The following MKLN1 variants were observed in gnomAD, a reference collection of about 807,000 sequenced individuals.
The protein encoded by MKLN1 is muskelin.
A neutral mutation model predicts 99.0 loss-of-function variants in MKLN1; 18 were observed. That is an observed-to-expected ratio of 0.18 (90% CI 0.13 to 0.27). The LOEUF (loss-of-function observed/expected upper bound fraction) is 0.27, where lower values mean the gene tolerates loss of function less well. Among genes scored for constraint, MKLN1 ranks in the 10% least tolerant of loss-of-function variants. The pLI, the probability that MKLN1 is intolerant of heterozygous loss-of-function variation, is 1.00. For missense variants in MKLN1, 621 were observed against 875.9 expected, an observed-to-expected ratio of 0.71 and a Z score of 3.67; for synonymous variants, 288 against 293.2, an observed-to-expected ratio of 0.98 and a Z score of 0.18.
chr7:131,152,052 G>T (rs1370473545), intron 2 of MKLN1, among the ~76,000 whole-genome samples: 1 of 152,112 alleles, frequency 6.6e-6, no homozygotes, highest in Non-Finnish European at 1.5e-5. Flanking sequence ...GCTGGGTGTG[G>T]TGGCTCATTC....
At chr7:131,200,942 G>A (rs1041828364) in intron 2 of MKLN1, among the ~76,000 whole-genome samples, 2 of 152,060 alleles carry the variant, frequency 1.3e-5, no homozygotes, top group Non-Finnish European at 2.9e-5. Flanking sequence ...TGTATTTAAC[G>A]AGAAGCCACG....
At chr7:131,317,675 CAA>C (rs1798695072) in intron 3 of MKLN1, among the ~76,000 whole-genome samples, 2 of 145,092 alleles carry the variant, frequency 1.4e-5, no homozygotes, top group South Asian at 4.4e-4. Flanking sequence ...TGGATAGAGT[CAA>C]GACCCATCAG....
intron 3 of MKLN1, among the ~76,000 whole-genome samples, chr7:131,283,365 C>T (rs1249002366): frequency 3.8e-5 from 4 of 105,392 alleles, no homozygotes; most frequent in Admixed American, 1.0e-4. Context: ...TCCTTCCTTC[C>T]TTCCTTCCTT....
At chr7:131,423,242 G>C (rs1179902477) in intron 8 of MKLN1, among the ~76,000 whole-genome samples, 2 of 152,170 alleles carry the variant, frequency 1.3e-5, no homozygotes, top group African/African-American at 2.4e-5. Context: ...ATGGAGAGTT[G>C]CTTGTCACTT....
intron 3 of MKLN1, among the ~76,000 whole-genome samples, chr7:131,263,667 G>C (rs1797767746): frequency 6.6e-6 from 1 of 152,030 alleles, no homozygotes; most frequent in African/African-American, 2.4e-5. Context: ...TGCCTCCCGG[G>C]TTCAAGCGAT....
chr7:131,159,743 A>T (rs1159394151), intron 2 of MKLN1, among the ~76,000 whole-genome samples: 1 of 152,218 alleles, frequency 6.6e-6, no homozygotes, highest in African/African-American at 2.4e-5. Context: ...CCCCAACAAT[A>T]TGTACGACTA....
chr7:131,359,257 T>C (rs1799960972), intron 1 of MKLN1, among the ~76,000 whole-genome samples: 1 of 152,242 alleles, frequency 6.6e-6, no homozygotes, highest in Non-Finnish European at 1.5e-5. Flanking sequence ...ATCTGGAGAC[T>C]GCTTTGACCC....
At chr7:131,424,619 G>A (rs952871698) in intron 8 of MKLN1, among the ~76,000 whole-genome samples, 1 of 150,584 alleles carries the variant, frequency 6.6e-6, no homozygotes, top group Admixed American at 6.6e-5. Context: ...ACTGGTAGTC[G>A]GTAGCTCCAG....
In MKLN1 at chr7:131,168,944, C is replaced by T. The variant is rs183223809; in HGVS notation, c.-297+26003C>T. ...GGGCAGTGGTGCAATCTTGGCTCAC[C>T]GCAACCTCCACCTCCTGGGTTCAAG... On this transcript the variant is annotated intron_variant, in intron 2 of 7. Coordinates refer to the MKLN1 transcript ENST00000416992. 3.6e-3 allele frequency among the ~76,000 whole-genome samples: 550 copies of T among 151,774 alleles called. 2 individuals are homozygous for T. The highest frequency in any genetic ancestry group is 0.013 in the African/African-American group (520 of 41,376).
chr7:131,487,268 A>G lies in MKLN1; in HGVS notation c.2087-339A>G, dbSNP rs1288811079. ...CAGAGAAAAGACCTAATAAGGAAAA[A>G]AAGAGAGATCAGTATTATTTGTAAC... On this transcript the variant is annotated intron_variant, in intron 17 of 17. Coordinates refer to ENST00000352689, the MANE Select transcript of MKLN1 (RefSeq NM_013255.5). This position sits in a 1 kb window ranked among gnomAD's most constrained non-coding sequence, Gnocchi z 4.7. Among the ~76,000 whole-genome samples the G allele has an allele frequency of 6.6e-6, 1 of 152,184 alleles. No homozygotes were observed. Among genetic ancestry groups the G allele is most frequent in the Non-Finnish European group, 1.5e-5 (1 of 68,016 alleles).
In MKLN1 at chr7:131,199,315, A is replaced by T. The variant is rs1044769709; in HGVS notation, c.-296-3542A>T. ...TATGTTGCCCAGACTGGAGTACAGT[A>T]GTGCAATCATTAGCTCACTGTAACC... On this transcript the variant is annotated intron_variant, in intron 2 of 7. Transcript: ENST00000416992. 2.6e-5 allele frequency among the ~76,000 whole-genome samples: 4 copies of T among 151,194 alleles called. No individual in the cohort carries two copies. The South Asian group carries it at 8.3e-4, about 31-fold the overall frequency.
At chr7:131,445,411 T>C (rs183354011) in intron 11 of MKLN1, among the ~76,000 whole-genome samples, 1 of 152,324 alleles carries the variant, frequency 6.6e-6, no homozygotes, top group East Asian at 1.9e-4. Flanking sequence ...AAGCAATCTC[T>C]ATTCTCGCTC....
chr7:131,363,658 A>T (rs1175999618), intron 1 of MKLN1, among the ~76,000 whole-genome samples: 1 of 151,910 alleles, frequency 6.6e-6, no homozygotes, highest in Admixed American at 6.6e-5. Flanking sequence ...TTTGTGAAGA[A>T]TAGACTTTTT....
intron 3 of MKLN1, among the ~76,000 whole-genome samples, chr7:131,241,604 A>T (rs1169159683): frequency 6.6e-6 from 1 of 152,208 alleles, no homozygotes; most frequent in Non-Finnish European, 1.5e-5. Flanking sequence ...GTTGCTAAGG[A>T]AGCTGATGGC....
intron 3 of MKLN1, among the ~76,000 whole-genome samples, chr7:131,206,853 T>G (rs6974301): frequency 0.86 from 130,409 of 151,844 alleles, 56,070 homozygotes; most frequent in East Asian, 1. Context: ...CCCATGCCCT[T>G]CCTTACTATA....
chr7:131,316,096 C>G (rs1003161691), intron 3 of MKLN1, among the ~76,000 whole-genome samples: 2 of 152,158 alleles, frequency 1.3e-5, no homozygotes, highest in Admixed American at 1.3e-4. Context: ...TGAAGTGCCT[C>G]CTTAAGTGGG....
chr7:131,408,853 CATA>C (rs1192489683), intron 6 of MKLN1, among the ~76,000 whole-genome samples: 4 of 152,000 alleles, frequency 2.6e-5, no homozygotes, highest in African/African-American at 4.8e-5. Flanking sequence ...TTATTATAGT[CATA>C]ATTATAGGAG....
chr7:131,409,765 T>C (rs889740580), intron 6 of MKLN1, among the ~76,000 whole-genome samples: 1 of 152,206 alleles, frequency 6.6e-6, no homozygotes, highest in African/African-American at 2.4e-5. Flanking sequence ...CTAGGGTTTC[T>C]AGCTTAAAAA....
chr7:131,273,700 T>C (rs1437095445), intron 3 of MKLN1, among the ~76,000 whole-genome samples: 1 of 151,376 alleles, frequency 6.6e-6, no homozygotes, highest in African/African-American at 2.4e-5. Context: ...TCATAGCTCA[T>C]TGCAGCTTTG....
Sources: gnomAD v4.1 joint callset for allele counts (sites outside exome capture counted in the v4.1 genomes callset) on GRCh38, gnomAD v4.1.1 for gene constraint, Gnocchi (gnomAD v3.1) non-coding constraint, MANE v1.5 for transcripts, NCBI Gene and HGNC (gene_info 2026-07-23, HGNC 2026-07-21) for gene names.